Variants in ANKRD11 observed in about 807,000 individuals in gnomAD.
The protein encoded by ANKRD11 is ankyrin repeat domain-containing protein 11.
A neutral mutation model predicts 195.7 loss-of-function variants in ANKRD11; 17 were observed. The observed-to-expected ratio is 0.09, with a 90% confidence interval of 0.06 to 0.13. The LOEUF (loss-of-function observed/expected upper bound fraction) is 0.13, where lower values mean the gene tolerates loss of function less well. Among genes scored for constraint, ANKRD11 ranks in the 10% least tolerant of loss-of-function variants. The pLI, the probability that ANKRD11 is intolerant of heterozygous loss-of-function variation, is 1.00. For synonymous variants in ANKRD11, 1,953 were observed against 1,528.1 expected (o/e 1.28, Z -6.49); for missense variants, 3,735 against 3,566.1 (o/e 1.05, Z -1.21).
intron 1 of ANKRD11, among the ~76,000 whole-genome samples, chr16:89,470,994 GA>G (rs1160425285): frequency 3.3e-5 from 5 of 151,230 alleles, no homozygotes; most frequent in African/African-American, 9.7e-5. Context: ...CTCTGTCTCA[GA>G]AAAAAAAGGA....
chr16:89,356,699 T>C (rs547726274), intron 2 of ANKRD11, among the ~76,000 whole-genome samples: 2 of 144,580 alleles, frequency 1.4e-5, no homozygotes, highest in Non-Finnish European at 3.0e-5. Flanking sequence ...GAGAATGGTA[T>C]GAACCCGGGA....
intron 2 of ANKRD11, among the ~76,000 whole-genome samples, chr16:89,344,160 C>T (rs561474242): frequency 7.2e-5 from 11 of 152,302 alleles, no homozygotes; most frequent in African/African-American, 1.2e-4. Context: ...GGAGCACACA[C>T]GGGCAACCCT....
At chr16:89,438,199 C>T (rs760134483) in intron 1 of ANKRD11, among the ~76,000 whole-genome samples, 1 of 152,192 alleles carries the variant, frequency 6.6e-6, no homozygotes, top group Non-Finnish European at 1.5e-5. Context: ...GAACAGCTGG[C>T]TTCTTATCTC....
chr16:89,307,333 C>T (rs1233857453), intron 3 of ANKRD11, among the ~76,000 whole-genome samples: 1 of 152,178 alleles, frequency 6.6e-6, no homozygotes, highest in East Asian at 1.9e-4. Flanking sequence ...CACTCTGCAT[C>T]CACCAAACGT....
intron 1 of ANKRD11, among the ~76,000 whole-genome samples, chr16:89,488,752 T>C (rs1011158774): frequency 6.6e-6 from 1 of 152,198 alleles, no homozygotes; most frequent in Non-Finnish European, 1.5e-5. Context: ...GTTTTGCAGT[T>C]CAACAACTGT....
intron 2 of ANKRD11, among the ~76,000 whole-genome samples, chr16:89,363,838 C>A (rs989670263): frequency 2.0e-5 from 3 of 152,026 alleles, no homozygotes; most frequent in African/African-American, 7.2e-5. Context: ...GGAGGACTGA[C>A]TGAGGCAAAA....
At position 89,317,055 on chromosome 16, in the gene ANKRD11, C is replaced by A. The variant is rs763022531; in HGVS notation, c.-36G>T. ...CTCACCCGATCTTCATTTACACGGCCGGCGCTTCATCATCAACCGTCTGCT... is the reference window on the plus strand; with the variant it reads ...CTCACCCGATCTTCATTTACACGGCAGGCGCTTCATCATCAACCGTCTGCT... On this transcript the variant is annotated 5_prime_UTR_variant, in exon 3 of 13. Transcript: ENST00000301030. The A allele has an allele frequency of 6.3e-7, 1 of 1,597,832 alleles. No individual in the cohort carries two copies. Among genetic ancestry groups the A allele is most frequent in the East Asian group, 2.3e-5 (1 of 44,348 alleles).
chr16:89,344,343 A>C (rs2038838633), intron 2 of ANKRD11, among the ~76,000 whole-genome samples: 1 of 152,188 alleles, frequency 6.6e-6, no homozygotes, highest in South Asian at 2.1e-4. Flanking sequence ...AGGAGCTGCA[A>C]CCATCCAAAG....
At chr16:89,343,985 C>T (rs2038820359) in intron 2 of ANKRD11, among the ~76,000 whole-genome samples, 1 of 152,214 alleles carries the variant, frequency 6.6e-6, no homozygotes, top group Non-Finnish European at 1.5e-5. Flanking sequence ...CCGACTGAAC[C>T]CAGGGGCACA....
intron 2 of ANKRD11, among the ~76,000 whole-genome samples, chr16:89,368,340 G>T (rs2040037873): frequency 6.8e-6 from 1 of 147,940 alleles, no homozygotes; most frequent in Non-Finnish European, 1.5e-5. Context: ...GGGATTACAG[G>T]TGCCTGCTGC....
intron 11 of ANKRD11, chr16:89,271,210 T>A: frequency 4.4e-6 from 2 of 458,006 alleles, no homozygotes; most frequent in Non-Finnish European, 8.0e-6. Context: ...CAGTCAGAGC[T>A]CAGCCCACTG....
rs904015120 is a variant in ANKRD11, at chr16:89,279,437, C to A, written c.7105G>T (p.Ala2369Ser). Reference sequence around the variant, plus strand: ...TCGTCCTCGGAGCCGCGGGCCTTGGCCCTGGTGACCGGGGCAGGGGTGGGG... The same window carrying A: ...TCGTCCTCGGAGCCGCGGGCCTTGGACCTGGTGACCGGGGCAGGGGTGGGG... ...CAPTPAPVTR[A>S]KARGSEDDDA... Residue 2369 changes from alanine (A) to serine (S), a missense_variant, in exon 9 of 13, where the codon GCC (alanine) becomes TCC (serine). Ala to Ser is a moderately conservative substitution (Grantham distance 99). Coordinates refer to ENST00000301030, the MANE Select transcript of ANKRD11 (RefSeq NM_013275.6). This position sits in a 1 kb window ranked among gnomAD's most constrained non-coding sequence, Gnocchi z 5.6. 1.7e-5 allele frequency: 26 copies of A among 1,513,374 alleles called. No individual in the cohort carries two copies. The African/African-American group carries it at 3.3e-4, about 19-fold the overall frequency. 93.7% of individuals were successfully genotyped at this position (1,513,374 alleles called of 1,614,324 possible). A position where few individuals can be genotyped will look rare whatever the true frequency, so the allele number is the denominator to read the frequency against.
rs112216310 is a variant in ANKRD11 at position 89,335,775 on chromosome 16, C to T, written c.-59-18697G>A. On this transcript the variant is annotated intron_variant, in intron 2 of 12. Coordinates refer to ENST00000301030, the MANE Select transcript of ANKRD11 (RefSeq NM_013275.6). ...GGCCCCAGTGTGTGACAGTGAGAGG[C>T]CCCAGTGTGGGTTCTCACAAGCTTG... 4.6e-3 allele frequency among the ~76,000 whole-genome samples: 708 copies of T among 152,294 alleles called. 5 individuals are homozygous for T. Among genetic ancestry groups the T allele is most frequent in the Middle Eastern group, 0.01 (3 of 294 alleles).
chr16:89,327,232 C>A lies in ANKRD11; in HGVS notation c.-59-10154G>T, dbSNP rs2037784969. ...CTAAAGAAGAAACACCACATAATCACAACTGGTACAGAAAATCATTTGATA... is the reference window on the plus strand; with the variant it reads ...CTAAAGAAGAAACACCACATAATCAAAACTGGTACAGAAAATCATTTGATA... On this transcript the variant is annotated intron_variant, in intron 2 of 12. Coordinates refer to ENST00000301030, the MANE Select transcript of ANKRD11 (RefSeq NM_013275.6). Among the ~76,000 whole-genome samples the A allele has an allele frequency of 2.6e-5, 4 of 152,208 alleles. 1 individual carries two copies. Among genetic ancestry groups the A allele is most frequent in the African/African-American group, 9.7e-5 (4 of 41,444 alleles).
At chr16:89,367,408 C>G (rs1423857846) in intron 2 of ANKRD11, among the ~76,000 whole-genome samples, 3 of 152,222 alleles carry the variant, frequency 2.0e-5, no homozygotes, top group African/African-American at 7.2e-5. Context: ...CTCAACGCAA[C>G]CTTAGCCGGC....
intron 2 of ANKRD11, among the ~76,000 whole-genome samples, 182 bp downstream of exon 2, chr16:89,418,102 T>C (rs2042375655): frequency 2.0e-5 from 3 of 152,228 alleles, no homozygotes; most frequent in Non-Finnish European, 4.4e-5. Flanking sequence ...AATCCAAAAA[T>C]GCTTACCTGT....
At chr16:89,311,969 C>T (rs1319560420) in intron 3 of ANKRD11, among the ~76,000 whole-genome samples, 3 of 152,232 alleles carry the variant, frequency 2.0e-5, no homozygotes, top group East Asian at 1.9e-4. Context: ...GCGATCTCAG[C>T]TCACTGCAGC....
Position 89,305,320 on chromosome 16 carries a change from T to G in ANKRD11, c.112A>C (p.Lys38Gln), listed in dbSNP as rs751357939. 1.1e-5 allele frequency: 17 copies of G among 1,613,874 alleles called. No individual in the cohort carries two copies. Among genetic ancestry groups the G allele is most frequent in the Admixed American group, 1.7e-5 (1 of 59,988 alleles). ...TCGCCACGCTCCAGTTTTGGGGTCT[T>G]GGTTAGAGAAACTTTATCTTTATCC... ...KKDKDKVSLT[K>Q]TPKLERGDGG... Residue 38 changes from lysine (K) to glutamine (Q), a missense_variant, in exon 4 of 13, where the codon AAG becomes CAG. Physicochemically the swap from Lys to Gln is moderately conservative, Grantham distance 53 (BLOSUM62 1). Coordinates refer to ENST00000301030, the MANE Select transcript of ANKRD11 (RefSeq NM_013275.6).
intron 1 of ANKRD11, among the ~76,000 whole-genome samples, chr16:89,450,015 A>G (rs1324845641): frequency 6.6e-6 from 1 of 152,166 alleles, no homozygotes; most frequent in African/African-American, 2.4e-5. Context: ...ACTTTATCTC[A>G]CAACAGGAAA....
Sources: gnomAD v4.1 joint callset for allele counts (sites outside exome capture counted in the v4.1 genomes callset) on GRCh38, gnomAD v4.1.1 for gene constraint, Gnocchi (gnomAD v3.1) non-coding constraint, MANE v1.5 for transcripts, NCBI Gene and HGNC (gene_info 2026-07-23, HGNC 2026-07-21) for gene names.